PUS10: variants seen among roughly 807,000 people sequenced by gnomAD.
The protein encoded by PUS10 is tRNA pseudouridine synthase Pus10.
PUS10 carries 59 observed loss-of-function variants against 75.0 expected under a neutral mutation model. That is an observed-to-expected ratio of 0.79 (90% CI 0.64 to 0.98). PUS10 has a LOEUF of 0.98. PUS10 is among the 50% of genes least tolerant of loss of function. The pLI is 0.00. For missense variants in PUS10, 650 were observed against 614.4 expected (o/e 1.06, Z -0.61); for synonymous variants, 219 against 211.6 (o/e 1.03, Z -0.30).
rs1676278929 is a variant in PUS10 at position 60,965,403 on chromosome 2, T to A, written c.677+20A>T. Reference sequence around the variant, plus strand: ...CATTAACAATTTTACACCATTGACGTTGTTTACATGGCAACTTACAGGAAG... The same window carrying A: ...CATTAACAATTTTACACCATTGACGATGTTTACATGGCAACTTACAGGAAG... On this transcript the variant is annotated intron_variant, in intron 7 of 17. Coordinates refer to ENST00000316752, the MANE Select transcript of PUS10 (RefSeq NM_144709.4). 1 of 1,594,190 alleles carries A rather than the reference T, an allele frequency of 6.3e-7. No homozygotes were observed. Among genetic ancestry groups the A allele is most frequent in the African/African-American group, 1.3e-5 (1 of 74,334 alleles).
chr2:60,985,770 G>A (rs955377693), intron 4 of PUS10, among the ~76,000 whole-genome samples: 3 of 151,970 alleles, frequency 2.0e-5, no homozygotes, highest in Non-Finnish European at 4.4e-5. Flanking sequence ...AAAGTTCTGG[G>A]ACTACAGAGG....
Position 60,942,258 on chromosome 2 carries a change from C to A in PUS10, c.*137G>T. 1.4e-6 allele frequency: 1 copy of A among 728,284 alleles called. No individual in the cohort carries two copies. Among genetic ancestry groups the A allele is most frequent in the Non-Finnish European group, 2.5e-6 (1 of 404,522 alleles). 45.1% of individuals were successfully genotyped at this position (728,284 alleles called of 1,614,324 possible). On this transcript the variant is annotated 3_prime_UTR_variant, in exon 18 of 18. Coordinates refer to ENST00000316752, the MANE Select transcript of PUS10 (RefSeq NM_144709.4). ...ATCCTGAGATGTTACAACAAATTAA[C>A]AATTATATAGATCAACATGATCCAA...
chr2:61,013,833 T>C (rs1235046803), intron 1 of PUS10, among the ~76,000 whole-genome samples: 4 of 152,134 alleles, frequency 2.6e-5, no homozygotes, highest in Middle Eastern at 3.4e-3. Flanking sequence ...AAGACCAGCC[T>C]GACCAACATG....
At chr2:61,015,569 C>T (rs191476342) in intron 1 of PUS10, among the ~76,000 whole-genome samples, 10 of 151,974 alleles carry the variant, frequency 6.6e-5, no homozygotes, top group Admixed American at 4.6e-4. Flanking sequence ...CGTGGTGGCA[C>T]GCACCTGTAG....
chr2:61,008,830 T>G lies in PUS10; in HGVS notation c.312A>C (p.Ser104=), dbSNP rs780790070. ...GGCATACATTACATACATTTAAATTTGAGTTCTTGGAAGCAGTGCTTCCAA... is the reference window on the plus strand; with the variant it reads ...GGCATACATTACATACATTTAAATTGGAGTTCTTGGAAGCAGTGCTTCCAA... ...SHVGSTASKN[S]NLNVCNVCLG... Residue 104 remains serine (S), a synonymous_variant, in exon 3 of 18, where the codon TCA becomes TCC. Transcript: ENST00000316752. 6 of 1,611,166 alleles carry G rather than the reference T, an allele frequency of 3.7e-6. No homozygotes were observed. The highest frequency in any genetic ancestry group is 5.1e-6 in the Non-Finnish European group (6 of 1,178,064).
At chr2:61,005,537 T>G (rs1679154075) in intron 4 of PUS10, among the ~76,000 whole-genome samples, 1 of 152,218 alleles carries the variant, frequency 6.6e-6, no homozygotes, top group Non-Finnish European at 1.5e-5. Flanking sequence ...TCTCAAAACT[T>G]TCACTAAAGT....
intron 4 of PUS10, among the ~76,000 whole-genome samples, chr2:61,002,190 G>A (rs1316120672): frequency 6.6e-6 from 1 of 152,164 alleles, no homozygotes; most frequent in African/African-American, 2.4e-5. Flanking sequence ...CTCTGGGAAT[G>A]GGACCTGGGA....
At chr2:61,001,009 C>A (rs1461338527) in intron 4 of PUS10, among the ~76,000 whole-genome samples, 1 of 152,194 alleles carries the variant, frequency 6.6e-6, no homozygotes, top group Non-Finnish European at 1.5e-5. Flanking sequence ...TCTCCCTTAC[C>A]AATGACCAGT....
chr2:60,943,492 C>T (rs1330231273), intron 17 of PUS10, among the ~76,000 whole-genome samples: 3 of 150,536 alleles, frequency 2.0e-5, no homozygotes, highest in Admixed American at 6.6e-5. Context: ...AAAAACCCAC[C>T]GTATCTATCT....
intron 1 of PUS10, among the ~76,000 whole-genome samples, chr2:61,014,320 A>C (rs1300692038): frequency 1.3e-5 from 2 of 151,834 alleles, no homozygotes; most frequent in East Asian, 3.9e-4. Flanking sequence ...CGGAGGGTGC[A>C]GTGAGCCGAG....
intron 4 of PUS10, among the ~76,000 whole-genome samples, chr2:60,982,358 G>T (rs1430989582): frequency 6.6e-6 from 1 of 152,122 alleles, no homozygotes; most frequent in East Asian, 1.9e-4. Flanking sequence ...CACCTCCTGG[G>T]TTCATGCAAT....
In PUS10 at chr2:61,006,557, C is replaced by T; in HGVS notation, c.468G>A (p.Glu156=). The change falls in exon 4 of 18, where the codon GAG becomes GAA. Residue 156 remains glutamate (E), a splice_region_variant and synonymous_variant. Transcript: ENST00000316752. ...VSFPPQLSVR[E]HAAWLLVKQE... is the part of the protein sequence containing the mutation. ...GTTTTATGCATGCAAATGACCTTAC[C>T]TCTCTTACAGATAGTTGTGGTGGGA... The T allele has an allele frequency of 6.2e-7, 1 of 1,609,576 alleles. No homozygotes were observed. Among genetic ancestry groups the T allele is most frequent in the Non-Finnish European group, 8.5e-7 (1 of 1,176,832 alleles).
intron 11 of PUS10, among the ~76,000 whole-genome samples, chr2:60,957,447 G>C (rs983314054): frequency 6.6e-6 from 1 of 152,236 alleles, no homozygotes; most frequent in African/African-American, 2.4e-5. Flanking sequence ...AGGCACTGTG[G>C]TGCCCAGAGC....
In PUS10 at chr2:60,953,972, G is replaced by A. The variant is rs762257934; in HGVS notation, c.1151C>T (p.Ser384Phe). The change falls in exon 14 of 18, where the codon TCT (serine) becomes TTT (phenylalanine). Residue 384 changes from serine (S) to phenylalanine (F), a missense_variant. Transcript: ENST00000316752. The stretch of plus-strand genomic sequence containing the variant: ...CAAGTCACGTACTTGGATTTTGTTA[G>A]ATGAGTTATTAATTTTCTGTAGTAG... Reference protein sequence around the residue: ...KELQQKINNSSNKIQVRDLQL... With the variant: ...KELQQKINNSFNKIQVRDLQL... The A allele has an allele frequency of 6.2e-7, 1 of 1,613,934 alleles. No individual in the cohort carries two copies. The highest frequency in any genetic ancestry group is 8.5e-7 in the Non-Finnish European group (1 of 1,179,786).
At chr2:60,947,844 A>AAAAAAAG (rs1675058703) in intron 16 of PUS10, among the ~76,000 whole-genome samples, 199 bp downstream of exon 16, 1 of 151,208 alleles carries the variant, frequency 6.6e-6, no homozygotes, top group African/African-American at 2.4e-5. Flanking sequence ...AAAAAAAAAA[A>AAAAAAAG]AAAAAAGAAA....
chr2:61,000,209 C>CTT (rs980425465), intron 4 of PUS10, among the ~76,000 whole-genome samples: 4 of 152,120 alleles, frequency 2.6e-5, no homozygotes, highest in Non-Finnish European at 4.4e-5. Context: ...TCTAATTCCT[C>CTT]TTTTATAAGG....
chr2:60,974,868 G>A (rs752306044), intron 4 of PUS10, among the ~76,000 whole-genome samples: 4 of 152,226 alleles, frequency 2.6e-5, no homozygotes, highest in African/African-American at 4.8e-5. Flanking sequence ...AGACCCAGGC[G>A]TAGCGTGCCA....
chr2:60,970,375 A>G (rs1369585622), intron 5 of PUS10, among the ~76,000 whole-genome samples: 1 of 152,218 alleles, frequency 6.6e-6, no homozygotes, highest in Admixed American at 6.5e-5. Flanking sequence ...CAAGTATGAG[A>G]TTCTAAAACA....
At chr2:61,001,818 T>TA (rs1009021444) in intron 4 of PUS10, among the ~76,000 whole-genome samples, 16 of 152,346 alleles carry the variant, frequency 1.1e-4, no homozygotes, top group African/African-American at 3.6e-4. Flanking sequence ...CCCTTTTTTT[T>TA]ATTCATTGAG....
Sources: allele counts gnomAD v4.1 joint callset (sites outside exome capture counted in the v4.1 genomes callset), GRCh38; gene constraint gnomAD v4.1.1; transcripts MANE v1.5; gene names NCBI Gene and HGNC (gene_info 2026-07-23, HGNC 2026-07-21).